The following CLIC5 variants were observed in gnomAD, a reference collection of about 807,000 sequenced individuals.
The protein encoded by CLIC5 is chloride intracellular channel protein 5.
CLIC5 carries 20 observed loss-of-function variants against 24.7 expected under a neutral mutation model. The observed-to-expected ratio is 0.81, with a 90% CI of 0.57 to 1.18. The LOEUF is 1.18. CLIC5 is among the 50% of genes most tolerant of loss of function. The pLI, the probability that CLIC5 is intolerant of heterozygous loss-of-function variation, is 0.00. For synonymous variants in CLIC5, 159 were observed against 135.6 expected, an observed-to-expected ratio of 1.17 and a Z score of -1.20; for missense variants, 341 against 326.1, an observed-to-expected ratio of 1.05 and a Z score of -0.35.
chr6:45,926,455 A>G (rs1763501056), intron 4 of CLIC5, among the ~76,000 whole-genome samples: 1 of 149,838 alleles, frequency 6.7e-6, no homozygotes, highest in South Asian at 2.1e-4. Flanking sequence ...ATGGGGTTTC[A>G]CCATATTGGC....
At chr6:46,068,250 A>C (rs747234793) in intron 1 of CLIC5, among the ~76,000 whole-genome samples, 1 of 152,106 alleles carries the variant, frequency 6.6e-6, no homozygotes. Context: ...TGGCCTCAAT[A>C]ACTGTAAGAG....
intron 1 of CLIC5, among the ~76,000 whole-genome samples, chr6:46,002,074 A>G (rs1581847357): frequency 1.3e-5 from 2 of 152,248 alleles, no homozygotes; most frequent in Middle Eastern, 3.4e-3. Context: ...TCAGTCTTCT[A>G]TGTGGCATTA....
chr6:46,086,779 G>C, the CLIC5 span, among the ~76,000 whole-genome samples: 1 of 152,168 alleles, frequency 6.6e-6, no homozygotes, highest in African/African-American at 2.4e-5. Flanking sequence ...ATCGTAGCAT[G>C]ATATCCCCCA....
At chr6:45,888,772 GTTA>G (rs1344910014) in intron 6 of CLIC5, among the ~76,000 whole-genome samples, 1 of 152,142 alleles carries the variant, frequency 6.6e-6, no homozygotes, top group East Asian at 1.9e-4. Context: ...AGCAAGGAAT[GTTA>G]TTATTAGGTC....
At chr6:46,076,275 C>T (rs533369924) in intron 1 of CLIC5, among the ~76,000 whole-genome samples, 7 of 152,350 alleles carry the variant, frequency 4.6e-5, no homozygotes, top group African/African-American at 1.7e-4. Flanking sequence ...TGCCTCGCGC[C>T]TACTTACCGT....
rs529811635 is a variant in CLIC5 at position 45,920,901 on chromosome 6, T to C, written c.407-6492A>G. ...AGATATTCTAAGGGGATTTTGAGGA[T>C]GTTCAGCTCTGTGATGGGCAGTGTA... On this transcript the variant is annotated intron_variant, in intron 4 of 5. Coordinates refer to ENST00000339561, the MANE Select transcript of CLIC5 (RefSeq NM_016929.5). Among the ~76,000 whole-genome samples, 6 of 152,306 alleles carry C rather than the reference T, an allele frequency of 3.9e-5. No homozygotes were observed. In the South Asian group the frequency reaches 1.2e-3, roughly 32 times the overall value.
intron 1 of CLIC5, among the ~76,000 whole-genome samples, chr6:45,989,345 A>T (rs1765849824): frequency 1.3e-5 from 2 of 152,156 alleles, no homozygotes; most frequent in Admixed American, 1.3e-4. Flanking sequence ...AAATATTCTC[A>T]TTCCTGATAT....
chr6:45,963,475 C>T (rs1764918944), intron 1 of CLIC5, among the ~76,000 whole-genome samples: 2 of 152,102 alleles, frequency 1.3e-5, no homozygotes, highest in South Asian at 2.1e-4. Context: ...TGCCTGTGGA[C>T]CCCTTATTTT....
At chr6:45,954,811 A>T (rs1764588972) in intron 2 of CLIC5, among the ~76,000 whole-genome samples, 1 of 152,216 alleles carries the variant, frequency 6.6e-6, no homozygotes, top group Non-Finnish European at 1.5e-5. Context: ...TGGCCTTAGT[A>T]CTACTGAAAT....
chr6:46,041,694 C>A (rs1251827704), intron 1 of CLIC5, among the ~76,000 whole-genome samples: 1 of 152,014 alleles, frequency 6.6e-6, no homozygotes, highest in Non-Finnish European at 1.5e-5. Context: ...TACCTAAAGC[C>A]CCGAGTATTG....
intron 2 of CLIC5, among the ~76,000 whole-genome samples, chr6:45,954,044 G>C (rs1764556628): frequency 6.6e-6 from 1 of 152,104 alleles, no homozygotes; most frequent in African/African-American, 2.4e-5. Flanking sequence ...GGGAGGTCGA[G>C]GTGGGTGGAT....
At chr6:45,931,913 G>C (rs558841754) in intron 4 of CLIC5, among the ~76,000 whole-genome samples, 2 of 152,186 alleles carry the variant, frequency 1.3e-5, no homozygotes, top group Non-Finnish European at 2.9e-5. Context: ...GCCCACCTCG[G>C]CCTCCCAAAG....
chr6:45,960,211 G>A (rs944602867), intron 1 of CLIC5, among the ~76,000 whole-genome samples: 2 of 152,098 alleles, frequency 1.3e-5, no homozygotes, highest in African/African-American at 4.8e-5. Context: ...GCTGATAATT[G>A]GCCAAAAGTC....
chr6:46,103,585 G>C, the CLIC5 span, among the ~76,000 whole-genome samples: 1 of 152,132 alleles, frequency 6.6e-6, no homozygotes, highest in Non-Finnish European at 1.5e-5. Context: ...TTTGCCACCA[G>C]AATCTGTTTT....
rs891413537 is a variant in CLIC5, at chr6:46,068,084, GA to G, written c.540+11618del. Among the ~76,000 whole-genome samples, 91 of 152,106 alleles carry G rather than the reference GA, an allele frequency of 6.0e-4. 2 individuals are homozygous for G. The highest frequency in any genetic ancestry group is 1.6e-4 in the Non-Finnish European group (11 of 68,002). On this transcript the variant is annotated intron_variant, in intron 1 of 5. Transcript: ENST00000185206. ...GGGAAACAGATACAGGAACACCAGG[GA>G]GAAGGCCATGTGATGAAGGAGGCAG...
chr6:45,983,526 G>T (rs1458204887), intron 1 of CLIC5, among the ~76,000 whole-genome samples: 1 of 152,136 alleles, frequency 6.6e-6, no homozygotes, highest in Non-Finnish European at 1.5e-5. Context: ...TGGCTACCCT[G>T]CTCCTGCATA....
chr6:46,042,469 TG>T (rs1224149573), intron 1 of CLIC5, among the ~76,000 whole-genome samples: 1 of 152,106 alleles, frequency 6.6e-6, no homozygotes, highest in Non-Finnish European at 1.5e-5. Flanking sequence ...ACCTAGGAGG[TG>T]GGGCAGGCAG....
intron 1 of CLIC5, among the ~76,000 whole-genome samples, chr6:46,029,635 G>A (rs1767442537): frequency 6.6e-6 from 1 of 152,116 alleles, no homozygotes; most frequent in African/African-American, 2.4e-5. Flanking sequence ...AGGACTGAAA[G>A]AGGCCCTCTT....
intron 1 of CLIC5, among the ~76,000 whole-genome samples, chr6:45,985,481 C>T (rs1236495987): frequency 2.6e-5 from 4 of 152,062 alleles, no homozygotes; most frequent in Admixed American, 6.5e-5. Flanking sequence ...TCAATAAGCT[C>T]GATGCAGTGC....
Sources: gnomAD v4.1 joint callset for allele counts (sites outside exome capture counted in the v4.1 genomes callset) on GRCh38, gnomAD v4.1.1 for gene constraint, MANE v1.5 for transcripts, NCBI Gene and HGNC (gene_info 2026-07-23, HGNC 2026-07-21) for gene names.